The following CLCN5 variants were observed in gnomAD, a reference collection of about 807,000 sequenced individuals.
The protein encoded by CLCN5 is H(+)/Cl(-) exchange transporter 5.
In CLCN5, 17 loss-of-function variants were observed where a neutral mutation model predicts 54.0. That is an observed-to-expected ratio of 0.31 (90% CI 0.22 to 0.47). The LOEUF (loss-of-function observed/expected upper bound fraction) is 0.47, where lower values mean the gene tolerates loss of function less well. Ranked by LOEUF, CLCN5 falls within the 20% of genes least tolerant of loss-of-function variation. CLCN5 has a pLI of 1.00. For synonymous variants in CLCN5, 222 were observed against 233.0 expected, an observed-to-expected ratio of 0.95 and a Z score of 0.43; for missense variants, 448 against 646.7, an observed-to-expected ratio of 0.69 and a Z score of 3.33.
At chrX:49,997,690 CTT>C (rs370838817) in intron 3 of CLCN5, among the ~76,000 whole-genome samples, 1 of 100,805 alleles carries the variant, frequency 9.9e-6, no homozygotes. Context: ...TATGCCCGGC[CTT>C]TTTTTTTTTT....
Position 50,012,052 on chromosome X carries a change from C to G in CLCN5, c.17-30264C>G, listed in dbSNP as rs781854028. Among the ~76,000 whole-genome samples, 9 of 111,322 alleles carry G rather than the reference C, an allele frequency of 8.1e-5. No homozygotes were observed. The South Asian group carries it at 3.5e-3, about 43-fold the overall frequency. The stretch of plus-strand genomic sequence containing the variant: ...CTGTCATGCACCAGACATGGAGAGA[C>G]AGGGTGGTCAAGAAAGACACAGAAC... On this transcript the variant is annotated intron_variant, in intron 3 of 14. Coordinates refer to ENST00000376091, the MANE Select transcript of CLCN5 (RefSeq NM_001127898.4).
intron 3 of CLCN5, among the ~76,000 whole-genome samples, chrX:49,991,324 A>G (rs1557178939): frequency 9.0e-6 from 1 of 111,700 alleles, no homozygotes; most frequent in African/African-American, 3.3e-5. Flanking sequence ...GCATTTTTTC[A>G]TATGTTTGTT....
intron 3 of CLCN5, among the ~76,000 whole-genome samples, chrX:49,934,456 C>G (rs1226280997): frequency 3.6e-5 from 4 of 111,227 alleles, no homozygotes; most frequent in African/African-American, 3.3e-5. Flanking sequence ...TCCTTCCTAC[C>G]TTCTCTTAAC....
At chrX:49,960,290 C>T (rs1927533540) in intron 3 of CLCN5, among the ~76,000 whole-genome samples, 1 of 111,142 alleles carries the variant, frequency 9.0e-6, no homozygotes, top group Non-Finnish European at 1.9e-5. Flanking sequence ...TCCCAGGCTG[C>T]TGAGTAAGTA....
chrX:49,949,309 T>C (rs1926909048), intron 3 of CLCN5, among the ~76,000 whole-genome samples: 2 of 112,057 alleles, frequency 1.8e-5, no homozygotes, highest in Non-Finnish European at 3.8e-5. Flanking sequence ...TGAAGAATTA[T>C]CTGACCCAAG....
At chrX:50,001,457 C>T (rs782298545) in intron 3 of CLCN5, among the ~76,000 whole-genome samples, 1 of 107,928 alleles carries the variant, frequency 9.3e-6, no homozygotes, top group South Asian at 3.9e-4. Flanking sequence ...TTCTATTTCT[C>T]CCATTTACTC....
chrX:50,094,029 C>T lies in CLCN5; in HGVS notation c.*1810C>T, dbSNP rs1466852560. ...CGGTCATTCTGCATATTCCCACCAA[C>T]CCTCTACCCCCAAACACTTCAGTGT... On this transcript the variant is annotated 3_prime_UTR_variant, in exon 15 of 15. Transcript: ENST00000376091. 1 of 111,527 alleles carries T rather than the reference C, an allele frequency of 9.0e-6. No individual in the cohort carries two copies. Among genetic ancestry groups the T allele is most frequent in the Non-Finnish European group, 1.9e-5 (1 of 53,107 alleles). The allele number at this position is 111,527 out of a possible 1,213,427, so 9.2% of individuals were successfully genotyped here.
At chrX:50,005,525 C>G (rs1930108635) in intron 3 of CLCN5, among the ~76,000 whole-genome samples, 1 of 111,837 alleles carries the variant, frequency 8.9e-6, no homozygotes, top group South Asian at 3.8e-4. Flanking sequence ...ATGTTTGGTT[C>G]TCTTTATTTA....
intron 4 of CLCN5, among the ~76,000 whole-genome samples, chrX:50,051,638 A>G (rs1441226509): frequency 8.9e-6 from 1 of 112,232 alleles, no homozygotes; most frequent in African/African-American, 3.2e-5. Context: ...TGAGTTTTAC[A>G]TCCCATGAAC....
intron 9 of CLCN5, among the ~76,000 whole-genome samples, chrX:50,083,093 A>C (rs1557193428): frequency 9.0e-6 from 1 of 110,940 alleles, no homozygotes; most frequent in Non-Finnish European, 1.9e-5. Context: ...ATTTTCTTTG[A>C]ATTACAAAGA....
chrX:50,011,192 A>G (rs1301751011), intron 3 of CLCN5, among the ~76,000 whole-genome samples: 1 of 111,060 alleles, frequency 9.0e-6, no homozygotes, highest in Non-Finnish European at 1.9e-5. Flanking sequence ...CAAGAATTCC[A>G]AGGGAAGAAG....
At chrX:50,072,337 G>C in intron 5 of CLCN5, 152 bp from the exon 6 acceptor site, 1 of 493,199 alleles carries the variant, frequency 2.0e-6, no homozygotes, top group East Asian at 3.7e-5. Context: ...AAAGTTGTTA[G>C]TGAAACTGGT....
intron 4 of CLCN5, among the ~76,000 whole-genome samples, chrX:50,054,991 A>T (rs1420755357): frequency 9.0e-6 from 1 of 111,383 alleles, no homozygotes; most frequent in Non-Finnish European, 1.9e-5. Flanking sequence ...CTAACAGGTA[A>T]TCCAGAGATA....
chrX:49,979,941 C>T (rs1928657851), intron 3 of CLCN5, among the ~76,000 whole-genome samples: 1 of 111,401 alleles, frequency 9.0e-6, no homozygotes, highest in Non-Finnish European at 1.9e-5. Flanking sequence ...AAAAATTCTG[C>T]TGCCTTGCTG....
At chrX:49,960,057 TC>T (rs1927519503) in intron 3 of CLCN5, among the ~76,000 whole-genome samples, 1 of 111,211 alleles carries the variant, frequency 9.0e-6, no homozygotes, top group South Asian at 3.8e-4. Context: ...CATCATCACT[TC>T]CAGTTCCTTC....
chrX:50,009,854 T>C (rs1314222722), intron 3 of CLCN5: 1 of 371,611 alleles, frequency 2.7e-6, no homozygotes, highest in East Asian at 7.7e-5. Flanking sequence ...CTCAGCTGCT[T>C]GCTGCTTGCC....
intron 3 of CLCN5, among the ~76,000 whole-genome samples, chrX:49,952,980 G>A (rs1209517087): frequency 2.8e-5 from 3 of 108,523 alleles, no homozygotes; most frequent in African/African-American, 1.0e-4. Flanking sequence ...CCGCCTCCTG[G>A]GTTCAAGCGA....
At chrX:50,057,101 G>T (rs1172720880) in intron 4 of CLCN5, among the ~76,000 whole-genome samples, 1 of 110,837 alleles carries the variant, frequency 9.0e-6, no homozygotes, top group Non-Finnish European at 1.9e-5. Flanking sequence ...TGCAGGCACT[G>T]CCCAGTGATA....
At chrX:49,967,410 G>GCAGGACATGATTGTTTA in intron 3 of CLCN5, among the ~76,000 whole-genome samples, 1 of 79,135 alleles carries the variant, frequency 1.3e-5, no homozygotes, top group African/African-American at 8.5e-5. Flanking sequence ...CTGCATAAAT[G>GCAGGACATGATTGTTTA]TCTTCTTTTG....
Sources: allele counts gnomAD v4.1 joint callset (sites outside exome capture counted in the v4.1 genomes callset), GRCh38; gene constraint gnomAD v4.1.1; transcripts MANE v1.5; gene names NCBI Gene and HGNC (gene_info 2026-07-23, HGNC 2026-07-21).